Variants in MARCHF4 observed in about 807,000 individuals in gnomAD.
MARCHF4 encodes the protein membrane associated ring-CH-type finger 4, also known as E3 ubiquitin-protein ligase MARCHF4.
A neutral mutation model predicts 43.9 loss-of-function variants in MARCHF4; 14 were observed. The observed-to-expected ratio is 0.32, with a 90% CI of 0.21 to 0.50. The LOEUF (loss-of-function observed/expected upper bound fraction) is 0.50, where lower values mean the gene tolerates loss of function less well. Ranked by LOEUF, MARCHF4 falls within the 20% of genes least tolerant of loss-of-function variation. MARCHF4 has a pLI of 0.98. For missense variants in MARCHF4, 468 were observed against 536.7 expected (o/e 0.87, Z 1.27); for synonymous variants, 226 against 213.3 (o/e 1.06, Z -0.52).
At chr2:216,332,019 G>C (rs980327087) in intron 1 of MARCHF4, among the ~76,000 whole-genome samples, 1 of 152,128 alleles carries the variant, frequency 6.6e-6, no homozygotes, top group East Asian at 1.9e-4. Context: ...GAATTGGAAA[G>C]AAAAGAATAA....
intron 3 of MARCHF4, among the ~76,000 whole-genome samples, chr2:216,264,585 C>T (rs1690814293): frequency 1.3e-5 from 2 of 152,170 alleles, no homozygotes; most frequent in African/African-American, 2.4e-5. Flanking sequence ...GGTTAATCTC[C>T]GGCAGCTAAC....
intron 1 of MARCHF4, among the ~76,000 whole-genome samples, chr2:216,291,202 C>A (rs1322232747): frequency 6.6e-6 from 1 of 152,040 alleles, no homozygotes. Context: ...AATGAGATGG[C>A]AAGAGGACAT....
In MARCHF4 at chr2:216,283,688, C is replaced by T. The variant is rs761816710; in HGVS notation, c.558G>A (p.Lys186=). The change falls in exon 2 of 4, where the codon AAG becomes AAA. Residue 186 remains lysine, a synonymous_variant. Transcript: ENST00000273067. ...TGATGAGGCAAGGCTGGTGTGTGCA[C>T]TTGACCGAGCCATCACAGCGGCATG... ...LSPCRCDGSV[K]CTHQPCLIKW... 4.3e-6 allele frequency: 7 copies of T among 1,612,944 alleles called. No individual in the cohort carries two copies. The highest frequency in any genetic ancestry group is 5.9e-6 in the Non-Finnish European group (7 of 1,179,010).
Position 216,369,751 on chromosome 2 carries a change from T to C in MARCHF4, c.510A>G (p.Pro170=). 1 of 1,590,026 alleles carries C rather than the reference T, an allele frequency of 6.3e-7. No individual in the cohort carries two copies. ...TPLCRICFQG[P]EQGELLSPCR... ...AAGAGAAAAGGGGACTCACCTGTTC[T>C]GGCCCCTGGAAGCAGATGCGGCAGA... The change falls in exon 1 of 4, where the codon CCA becomes CCG. Residue 170 remains proline, a synonymous_variant. Transcript: ENST00000273067.
chr2:216,283,007 A>G (rs1691155431), intron 2 of MARCHF4, among the ~76,000 whole-genome samples: 1 of 152,134 alleles, frequency 6.6e-6, no homozygotes, highest in African/African-American at 2.4e-5. Flanking sequence ...CCAGACCTAT[A>G]GAATAGCCTG....
At chr2:216,259,815 G>A in intron 3 of MARCHF4, 136 bp from the exon 4 acceptor site, 1 of 866,784 alleles carries the variant, frequency 1.2e-6, no homozygotes, top group Non-Finnish European at 1.7e-6. Context: ...ACCATCCCTA[G>A]ATTCCCAGGC....
chr2:216,304,485 T>C (rs990275269), intron 1 of MARCHF4, among the ~76,000 whole-genome samples: 24 of 152,144 alleles, frequency 1.6e-4, no homozygotes, highest in African/African-American at 5.3e-4. Flanking sequence ...CGAGGACAAA[T>C]TGAATGGTTT....
rs761449051 is a variant in MARCHF4, at chr2:216,369,775, G to A, written c.486C>T (p.Leu162=). The change falls in exon 1 of 4, where the codon CTC becomes CTT. Residue 162 remains leucine, a synonymous_variant. Coordinates refer to ENST00000273067, the MANE Select transcript of MARCHF4 (RefSeq NM_020814.3). The stretch of plus-strand genomic sequence containing the variant: ...CTGGCCCCTGGAAGCAGATGCGGCA[G>A]AGTGGGGTCCTCATACCACTGTCCA... ...SSLDSGMRTP[L]CRICFQGPEQ... 7 of 1,604,108 alleles carry A rather than the reference G, an allele frequency of 4.4e-6. No homozygotes were observed. The South Asian group carries it at 7.7e-5, about 18-fold the overall frequency.
chr2:216,265,483 C>G (rs1007404994), intron 3 of MARCHF4: 2 of 152,144 alleles, frequency 1.3e-5, no homozygotes, highest in South Asian at 4.2e-4. Context: ...TACTGACACT[C>G]TAGAACAGTG....
At chr2:216,327,326 A>AGG in intron 1 of MARCHF4, among the ~76,000 whole-genome samples, 1 of 152,060 alleles carries the variant, frequency 6.6e-6, no homozygotes, top group Non-Finnish European at 1.5e-5. Flanking sequence ...ACAATATATA[A>AGG]TCTATCCATG....
chr2:216,287,232 C>G (rs954232811), intron 1 of MARCHF4, among the ~76,000 whole-genome samples: 3 of 152,134 alleles, frequency 2.0e-5, no homozygotes, highest in East Asian at 3.9e-4. Context: ...CTACATACCC[C>G]CTAGAACTGA....
intron 1 of MARCHF4, among the ~76,000 whole-genome samples, chr2:216,306,882 A>C (rs1691595360): frequency 6.6e-6 from 1 of 151,986 alleles, no homozygotes; most frequent in Non-Finnish European, 1.5e-5. Context: ...AGTGTCTCTC[A>C]ATTCATTCAT....
chr2:216,363,170 C>T (rs1276592092), intron 1 of MARCHF4, among the ~76,000 whole-genome samples: 2 of 152,194 alleles, frequency 1.3e-5, no homozygotes, highest in Admixed American at 1.3e-4. Context: ...TAACTTCCTG[C>T]CCTGCTAGCC....
intron 3 of MARCHF4, among the ~76,000 whole-genome samples, chr2:216,269,367 G>A (rs905941913): frequency 4.6e-5 from 7 of 152,030 alleles, no homozygotes; most frequent in Non-Finnish European, 8.8e-5. Flanking sequence ...TGCAGCAGAG[G>A]ACAGCGTCAT....
rs1361089814 is a variant in MARCHF4 at position 216,326,351 on chromosome 2, A to C, written c.517-42622T>G. Among the ~76,000 whole-genome samples, 4 of 149,084 alleles carry C rather than the reference A, an allele frequency of 2.7e-5. No individual in the cohort carries two copies. In the East Asian group the frequency reaches 8.1e-4, roughly 30 times the overall value. On this transcript the variant is annotated intron_variant, in intron 1 of 3. Transcript: ENST00000273067. ...GATGTGGAGAAATAGGAACACTTTTACACTGTTGGTGGGACTGTAAACTAG... is the reference window on the plus strand; with the variant it reads ...GATGTGGAGAAATAGGAACACTTTTCCACTGTTGGTGGGACTGTAAACTAG...
At chr2:216,260,019 C>A (rs1690716187) in intron 3 of MARCHF4, among the ~76,000 whole-genome samples, 1 of 152,236 alleles carries the variant, frequency 6.6e-6, no homozygotes, top group Admixed American at 6.5e-5. Context: ...CCATGGCACC[C>A]AGTCCTTAGC....
intron 1 of MARCHF4, among the ~76,000 whole-genome samples, chr2:216,336,086 A>C (rs986154083): frequency 6.6e-6 from 1 of 151,510 alleles, no homozygotes; most frequent in African/African-American, 2.4e-5. Flanking sequence ...AAAAAAAAAA[A>C]AAAAGGTATC....
At position 216,362,737 on chromosome 2, in the gene MARCHF4, A is replaced by G. The variant is rs548470118; in HGVS notation, c.516+7008T>C. On this transcript the variant is annotated intron_variant, in intron 1 of 3. Transcript: ENST00000273067. The stretch of plus-strand genomic sequence containing the variant: ...TGGATTTCAAATTGTAACTTACTCA[A>G]TTGTGCTATTTCGTCATGAGACAGT... 9.2e-5 allele frequency among the ~76,000 whole-genome samples: 14 copies of G among 152,192 alleles called. No homozygotes were observed. The East Asian group carries it at 1.4e-3, about 15-fold the overall frequency.
At chr2:216,300,022 T>A (rs150614781) in intron 1 of MARCHF4, among the ~76,000 whole-genome samples, 1 of 152,200 alleles carries the variant, frequency 6.6e-6, no homozygotes, top group African/African-American at 2.4e-5. Flanking sequence ...TCATGTGGCT[T>A]ACTTCGGAGT....
Sources: allele counts gnomAD v4.1 joint callset (sites outside exome capture counted in the v4.1 genomes callset), GRCh38; gene constraint gnomAD v4.1.1; transcripts MANE v1.5; gene names NCBI Gene and HGNC (gene_info 2026-07-23, HGNC 2026-07-21).